The following DPP6 variants were observed in gnomAD, a reference collection of about 807,000 sequenced individuals.
DPP6 encodes the protein A-type potassium channel modulatory protein DPP6.
DPP6 carries 69 observed loss-of-function variants against 122.6 expected under a neutral mutation model. The ratio of observed to expected loss-of-function variants is 0.56; its 90% CI spans 0.46 to 0.69. The LOEUF is 0.69. Among genes scored for constraint, DPP6 ranks in the 30% least tolerant of loss-of-function variants. The pLI is 0.00. For synonymous variants in DPP6, 418 were observed against 433.1 expected, an observed-to-expected ratio of 0.97 and a Z score of 0.43; for missense variants, 928 against 1,116.9, an observed-to-expected ratio of 0.83 and a Z score of 2.41.
intron 21 of DPP6, 96 bp from the exon 22 acceptor site, chr7:154,885,537 G>A: frequency 2.0e-6 from 3 of 1,478,332 alleles, no homozygotes; most frequent in Non-Finnish European, 2.7e-6. Flanking sequence ...AACCTGCATG[G>A]AACTGGCTGC....
At chr7:153,989,264 A>G (rs1038650517) in intron 1 of DPP6, among the ~76,000 whole-genome samples, 1 of 136,106 alleles carries the variant, frequency 7.3e-6, no homozygotes, top group Non-Finnish European at 1.6e-5. Context: ...TGGGCGAGTG[A>G]GAAAGTGGGT....
intron 1 of DPP6, among the ~76,000 whole-genome samples, chr7:154,414,761 T>A (rs144095010): frequency 1.1e-3 from 166 of 152,202 alleles, no homozygotes; most frequent in African/African-American, 3.8e-3. Context: ...CACCTAACTG[T>A]CCCCCTTGTG....
the DPP6 span, among the ~76,000 whole-genome samples, chr7:153,869,927 T>C: frequency 6.6e-6 from 1 of 152,198 alleles, no homozygotes; most frequent in Non-Finnish European, 1.5e-5. Flanking sequence ...TTTGGCTGGA[T>C]ATGAAATTCT....
intron 3 of DPP6, among the ~76,000 whole-genome samples, chr7:154,480,697 T>A (rs1388584351): frequency 1.3e-5 from 2 of 152,192 alleles, no homozygotes; most frequent in African/African-American, 4.8e-5. Context: ...CCTAAACATA[T>A]GTCATCAGAC....
At chr7:153,920,561 C>CCCTTTTTT (rs1800585583) in intron 1 of DPP6, among the ~76,000 whole-genome samples, 1 of 62,458 alleles carries the variant, frequency 1.6e-5, no homozygotes, top group Non-Finnish European at 2.9e-5. Flanking sequence ...TTTTATCTCT[C>CCCTTTTTT]TCTTTTTTTT....
chr7:154,075,246 A>C (rs544492461), intron 1 of DPP6, among the ~76,000 whole-genome samples: 44 of 152,066 alleles, frequency 2.9e-4, no homozygotes, highest in Admixed American at 5.9e-4. Flanking sequence ...AACAGTGTGG[A>C]GATTCCTTAA....
intron 1 of DPP6, among the ~76,000 whole-genome samples, chr7:154,233,128 G>A (rs1319931097): frequency 6.6e-6 from 1 of 151,984 alleles, no homozygotes; most frequent in Non-Finnish European, 1.5e-5. Flanking sequence ...CTTACCAGCT[G>A]TGAATTAGAG....
At chr7:153,838,820 C>G in the DPP6 span, among the ~76,000 whole-genome samples, 1 of 152,254 alleles carries the variant, frequency 6.6e-6, no homozygotes, top group African/African-American at 2.4e-5. Flanking sequence ...TTAGCTTAAA[C>G]TAAAATAAAG....
intron 7 of DPP6, among the ~76,000 whole-genome samples, chr7:154,676,485 G>C (rs908158463): frequency 3.3e-5 from 5 of 151,052 alleles, no homozygotes; most frequent in Admixed American, 6.6e-5. Context: ...CTGCGGCCAT[G>C]GGGTGTGCTG....
At chr7:154,666,413 G>A in intron 6 of DPP6, among the ~76,000 whole-genome samples, 2 of 151,972 alleles carry the variant, frequency 1.3e-5, no homozygotes, top group Middle Eastern at 6.8e-3. Flanking sequence ...GGTACAATAT[G>A]ATATTTTGTT....
intron 1 of DPP6, among the ~76,000 whole-genome samples, chr7:153,948,719 C>G (rs1051642978): frequency 2.0e-5 from 3 of 148,596 alleles, no homozygotes; most frequent in African/African-American, 7.5e-5. Flanking sequence ...CTTACCTGTC[C>G]TCTATAATAT....
At chr7:154,869,479 C>T (rs1804194817) in intron 18 of DPP6, among the ~76,000 whole-genome samples, 1 of 152,262 alleles carries the variant, frequency 6.6e-6, no homozygotes, top group East Asian at 1.9e-4. Flanking sequence ...GGGACTTGAA[C>T]ATGGTCCCTA....
intron 1 of DPP6, among the ~76,000 whole-genome samples, chr7:153,907,265 C>A (rs946401228): frequency 6.6e-6 from 1 of 152,086 alleles, no homozygotes; most frequent in Non-Finnish European, 1.5e-5. Flanking sequence ...TGATGATGAG[C>A]ATTTTTTCCT....
intron 5 of DPP6, among the ~76,000 whole-genome samples, chr7:154,609,194 T>C (rs1833758450): frequency 6.6e-6 from 1 of 152,242 alleles, no homozygotes; most frequent in Non-Finnish European, 1.5e-5. Flanking sequence ...ACAGTTTCGT[T>C]ATGTTGTATC....
intron 1 of DPP6, among the ~76,000 whole-genome samples, chr7:154,098,649 G>C (rs1202592282): frequency 6.6e-6 from 1 of 151,458 alleles, no homozygotes. Context: ...AGGGTGATGT[G>C]CCCCATCTCT....
the DPP6 span, among the ~76,000 whole-genome samples, chr7:153,788,925 T>G: frequency 6.6e-6 from 1 of 150,812 alleles, no homozygotes; most frequent in Non-Finnish European, 1.5e-5. Context: ...AGATCGTGCC[T>G]CTGTACTCCA....
intron 1 of DPP6, chr7:154,026,275 G>A (rs1798952271): frequency 6.6e-6 from 1 of 151,978 alleles, no homozygotes; most frequent in South Asian, 2.1e-4. Flanking sequence ...AGAACACCTG[G>A]AAGCTTTCAC....
At chr7:153,791,567 GC>G in the DPP6 span, among the ~76,000 whole-genome samples, 195 of 151,750 alleles carry the variant, frequency 1.3e-3, no homozygotes, top group African/African-American at 4.6e-3. Flanking sequence ...GATTACAGGT[GC>G]CCACCACCAC....
intron 21 of DPP6, among the ~76,000 whole-genome samples, chr7:154,881,529 G>A (rs1181031075): frequency 2.0e-5 from 3 of 152,064 alleles, no homozygotes; most frequent in Non-Finnish European, 2.9e-5. Flanking sequence ...CTAGACCTGG[G>A]GCCTCTTGAT....
Sources: allele counts gnomAD v4.1 joint callset (sites outside exome capture counted in the v4.1 genomes callset), GRCh38; gene constraint gnomAD v4.1.1; transcripts MANE v1.5; gene names NCBI Gene and HGNC (gene_info 2026-07-23, HGNC 2026-07-21).